Variants in METTL25 observed in about 807,000 individuals in gnomAD.
The protein encoded by METTL25 is methyltransferase like 25.
A neutral mutation model predicts 71.6 loss-of-function variants in METTL25; 64 were observed. The observed-to-expected ratio is 0.89, with a 90% CI of 0.73 to 1.10. METTL25 has a LOEUF of 1.10. Ranked by LOEUF, METTL25 falls within the 50% of genes least tolerant of loss-of-function variation. The pLI, the probability that METTL25 is intolerant of heterozygous loss-of-function variation, is 0.00. For synonymous variants in METTL25, 287 were observed against 250.3 expected, an observed-to-expected ratio of 1.15 and a Z score of -1.38; for missense variants, 807 against 707.0, an observed-to-expected ratio of 1.14 and a Z score of -1.60.
At chr12:82,446,447 A>G (rs1890745059) in intron 8 of METTL25, among the ~76,000 whole-genome samples, 1 of 152,072 alleles carries the variant, frequency 6.6e-6, no homozygotes, top group Non-Finnish European at 1.5e-5. Context: ...CAATTCAAAA[A>G]AGTAGAAATC....
intron 9 of METTL25, chr12:82,468,668 CT>C (rs1254539752): frequency 6.6e-6 from 1 of 152,084 alleles, no homozygotes; most frequent in East Asian, 1.9e-4. Flanking sequence ...CCCATGTCAC[CT>C]TTTAGAAGCA....
intron 5 of METTL25, among the ~76,000 whole-genome samples, chr12:82,404,782 A>C (rs1348945928): frequency 6.6e-6 from 1 of 152,084 alleles, no homozygotes; most frequent in East Asian, 1.9e-4. Flanking sequence ...GTTTCTACTA[A>C]AGATACAAAA....
In METTL25 at chr12:82,430,784, A is replaced by G. The variant is rs1326020818; in HGVS notation, c.1280-109A>G. ...AACATCACCATTTCCATGTTTAACTACTGTTTTTACTTTCTCAATGACTGA... is the reference window on the plus strand; with the variant it reads ...AACATCACCATTTCCATGTTTAACTGCTGTTTTTACTTTCTCAATGACTGA... On this transcript the variant is annotated intron_variant, in intron 5 of 11. Coordinates refer to ENST00000248306, the MANE Select transcript of METTL25 (RefSeq NM_032230.3). 4 of 578,412 alleles carry G rather than the reference A, an allele frequency of 6.9e-6. No individual in the cohort carries two copies. In the Admixed American group the frequency reaches 9.4e-5, roughly 14 times the overall value. The allele number at this position is 578,412 out of a possible 1,614,324, so 35.8% of individuals were successfully genotyped here. A position where few individuals can be genotyped will look rare whatever the true frequency, so the allele number is the denominator to read the frequency against.
chr12:82,384,613 T>C (rs1301240369), intron 1 of METTL25, among the ~76,000 whole-genome samples: 1 of 150,142 alleles, frequency 6.7e-6, no homozygotes, highest in African/African-American at 2.5e-5. Flanking sequence ...ACTACCCTTT[T>C]TTAAAAAAAA....
chr12:82,415,750 A>G (rs1887930650), intron 5 of METTL25, among the ~76,000 whole-genome samples: 1 of 152,128 alleles, frequency 6.6e-6, no homozygotes, highest in African/African-American at 2.4e-5. Flanking sequence ...CACCCATACT[A>G]GGGAGGGCAG....
rs566341504 is a variant in METTL25, at chr12:82,479,096, T to C, written c.*72T>C. 4.1e-6 allele frequency: 5 copies of C among 1,210,396 alleles called. No homozygotes were observed. Among genetic ancestry groups the C allele is most frequent in the African/African-American group, 1.5e-5 (1 of 66,250 alleles). 75.0% of individuals were successfully genotyped at this position (1,210,396 alleles called of 1,614,324 possible). The stretch of plus-strand genomic sequence containing the variant: ...TGCTGAGATTGCTTTTCTAAACATA[T>C]ATGTCCTGTTATACAAAAATTTTTA... On this transcript the variant is annotated 3_prime_UTR_variant, in exon 12 of 12. Coordinates refer to ENST00000248306, the MANE Select transcript of METTL25 (RefSeq NM_032230.3).
intron 4 of METTL25, among the ~76,000 whole-genome samples, chr12:82,402,407 T>C (rs1250790988): frequency 6.6e-6 from 1 of 152,148 alleles, no homozygotes; most frequent in Non-Finnish European, 1.5e-5. Flanking sequence ...AGGTTTGGTC[T>C]AGAAATACAT....
chr12:82,453,780 T>C (rs964435994), intron 8 of METTL25, among the ~76,000 whole-genome samples: 1 of 152,158 alleles, frequency 6.6e-6, no homozygotes, highest in Non-Finnish European at 1.5e-5. Flanking sequence ...TTTTCTCTTA[T>C]TTTGTAACTA....
chr12:82,438,566 C>A, intron 7 of METTL25, 152 bp from the exon 8 acceptor site: 10 of 257,506 alleles, frequency 3.9e-5, no homozygotes, highest in East Asian at 6.6e-5. Flanking sequence ...CTCAGGGTAA[C>A]ACTTTCGCTC....
At chr12:82,375,562 C>A (rs898510675) in intron 1 of METTL25, among the ~76,000 whole-genome samples, 5 of 152,080 alleles carry the variant, frequency 3.3e-5, no homozygotes, top group Admixed American at 6.6e-5. Flanking sequence ...TTAAGAAGTC[C>A]CATTCACTGC....
intron 5 of METTL25, among the ~76,000 whole-genome samples, chr12:82,426,628 C>G (rs1041071083): frequency 1.3e-5 from 2 of 151,956 alleles, no homozygotes; most frequent in Admixed American, 1.3e-4. Context: ...CTCCTTCAGC[C>G]TCATAATCTT....
intron 2 of METTL25, chr12:82,388,888 A>G (rs767175280): frequency 3.9e-5 from 6 of 152,112 alleles, no homozygotes; most frequent in South Asian, 2.1e-4. Flanking sequence ...AATGTTACCA[A>G]GAAGGTGCTA....
In METTL25 at chr12:82,465,204, A is replaced by G. The variant is rs554076298; in HGVS notation, c.1572+8384A>G. On this transcript the variant is annotated intron_variant, in intron 9 of 11. Coordinates refer to ENST00000248306, the MANE Select transcript of METTL25 (RefSeq NM_032230.3). ...TAAAGTTCTTAGAGGAAAAGCTTTC[A>G]GTTTTCCCCCTTTCAGTATGATGTT... is the stretch of plus-strand genomic sequence containing the variant. Among the ~76,000 whole-genome samples the G allele has an allele frequency of 4.1e-4, 63 of 152,062 alleles. 1 individual carries two copies. The South Asian group carries it at 0.01, about 25-fold the overall frequency.
intron 4 of METTL25, among the ~76,000 whole-genome samples, chr12:82,400,601 T>G (rs1292176872): frequency 6.9e-6 from 1 of 145,220 alleles, no homozygotes; most frequent in Non-Finnish European, 1.5e-5. Context: ...AATGTAAATT[T>G]CTAGTACATT....
intron 1 of METTL25, among the ~76,000 whole-genome samples, chr12:82,364,948 AT>A (rs1395029065): frequency 1.3e-5 from 2 of 152,134 alleles, no homozygotes; most frequent in African/African-American, 4.8e-5. Flanking sequence ...CTTTTTCACT[AT>A]TTTCAGCATC....
chr12:82,375,608 A>G (rs1883763735), intron 1 of METTL25, among the ~76,000 whole-genome samples: 1 of 152,206 alleles, frequency 6.6e-6, no homozygotes, highest in Non-Finnish European at 1.5e-5. Flanking sequence ...AAGTTTTTAG[A>G]AATGATTGAG....
intron 9 of METTL25, among the ~76,000 whole-genome samples, chr12:82,475,900 G>A (rs1403256728): frequency 6.6e-6 from 1 of 151,944 alleles, no homozygotes; most frequent in African/African-American, 2.4e-5. Flanking sequence ...AATCTGAAAT[G>A]CTCCAATGAG....
At chr12:82,429,482 T>C (rs748499007) in intron 5 of METTL25, among the ~76,000 whole-genome samples, 93 of 151,874 alleles carry the variant, frequency 6.1e-4, no homozygotes, top group African/African-American at 1.8e-3. Context: ...TTTCATATCT[T>C]TGCTACTGTG....
chr12:82,414,973 C>G (rs1245635618), intron 5 of METTL25, among the ~76,000 whole-genome samples: 1 of 152,028 alleles, frequency 6.6e-6, no homozygotes, highest in Non-Finnish European at 1.5e-5. Flanking sequence ...AAAATTATCT[C>G]AGGTGTTCCA....
Sources: allele counts gnomAD v4.1 joint callset (sites outside exome capture counted in the v4.1 genomes callset), GRCh38; gene constraint gnomAD v4.1.1; transcripts MANE v1.5; gene names NCBI Gene and HGNC (gene_info 2026-07-23, HGNC 2026-07-21).